VIT: variants seen among roughly 807,000 people sequenced by gnomAD.
The protein encoded by VIT is vitrin.
Under a neutral mutation model 78.0 loss-of-function variants are expected in VIT, and 99 were observed. That is an observed-to-expected ratio of 1.27 (90% CI 1.08 to 1.50). VIT has a LOEUF of 1.50. Ranked by LOEUF, VIT falls within the 40% of genes most tolerant of loss-of-function variation. The probability of loss-of-function intolerance (pLI) is 0.00; values close to 1 mark genes in which losing one functional copy is unlikely to be tolerated. For synonymous variants in VIT, 374 were observed against 334.3 expected, an observed-to-expected ratio of 1.12 and a Z score of -1.29; for missense variants, 1,126 against 875.3, an observed-to-expected ratio of 1.29 and a Z score of -3.61.
At position 36,756,974 on chromosome 2, in the gene VIT, G is replaced by A. The variant is rs538920467; in HGVS notation, c.409+1920G>A. Among the ~76,000 whole-genome samples the A allele has an allele frequency of 5.3e-5, 8 of 152,194 alleles. No homozygotes were observed. The East Asian group carries it at 1.5e-3, about 29-fold the overall frequency. The stretch of plus-strand genomic sequence containing the variant: ...GCTGATATTATTCCCTATAAATCTC[G>A]ACTTCCATCTCCCCTCATTCGACCT... On this transcript the variant is annotated intron_variant, in intron 5 of 15. Transcript: ENST00000379242.
chr2:36,753,737 G>A (rs534124589), intron 4 of VIT, among the ~76,000 whole-genome samples: 1 of 152,302 alleles, frequency 6.6e-6, no homozygotes, highest in South Asian at 2.1e-4. Context: ...AAACCAGCCT[G>A]CCTGCCATCG....
intron 3 of VIT, among the ~76,000 whole-genome samples, chr2:36,729,878 C>A (rs555002562): frequency 6.4e-4 from 97 of 152,308 alleles, no homozygotes; most frequent in African/African-American, 1.9e-3. Context: ...CACCTTCCAA[C>A]AGACCCTGGG....
At chr2:36,804,221 C>G (rs542679845) in intron 13 of VIT, among the ~76,000 whole-genome samples, 4 of 152,202 alleles carry the variant, frequency 2.6e-5, no homozygotes, top group Non-Finnish European at 5.9e-5. Context: ...TGTAGGGTGA[C>G]CTACTCAGGG....
intron 1 of VIT, among the ~76,000 whole-genome samples, chr2:36,716,080 G>A (rs557796111): frequency 6.6e-6 from 1 of 152,280 alleles, no homozygotes; most frequent in Non-Finnish European, 1.5e-5. Context: ...AAATTGTAGA[G>A]TTATTTCCTC....
At chr2:36,740,755 C>T (rs1307167076) in intron 3 of VIT, among the ~76,000 whole-genome samples, 3 of 152,066 alleles carry the variant, frequency 2.0e-5, no homozygotes, top group African/African-American at 7.2e-5. Context: ...AACAAGTGCC[C>T]CCTTAAAGAA....
chr2:36,811,443 C>T (rs977791780), intron 15 of VIT, among the ~76,000 whole-genome samples: 18 of 152,110 alleles, frequency 1.2e-4, no homozygotes, highest in Non-Finnish European at 8.8e-5. Flanking sequence ...GTGCTGTCAG[C>T]GCAGCCTTAA....
chr2:36,698,134 C>G (rs1208505591), intron 1 of VIT, among the ~76,000 whole-genome samples: 1 of 103,440 alleles, frequency 9.7e-6, no homozygotes, highest in East Asian at 2.9e-4. Flanking sequence ...CAAAGAATTA[C>G]AAGATTGCAA....
chr2:36,814,182 G>T lies in VIT; in HGVS notation c.1904-1G>T. ...TGTTCATCTAACCTTTGTCCCCACA[G>T]GAGTGATCACCTATGCGATAGGCGT... On this transcript the variant is annotated splice_acceptor_variant, in intron 15 of 15. Transcript: ENST00000379242. LOFTEE classifies it high-confidence loss of function. 6 of 1,614,160 alleles carry T rather than the reference G, an allele frequency of 3.7e-6. No individual in the cohort carries two copies. The highest frequency in any genetic ancestry group is 5.1e-6 in the Non-Finnish European group (6 of 1,180,006).
intron 8 of VIT, among the ~76,000 whole-genome samples, chr2:36,774,260 GA>G (rs1669926510): frequency 6.9e-6 from 1 of 144,088 alleles, no homozygotes; most frequent in Non-Finnish European, 1.6e-5. Context: ...ACGGGGGACA[GA>G]AACACATTCT....
At chr2:36,807,350 A>C (rs62132497) in intron 14 of VIT, among the ~76,000 whole-genome samples, 113,679 of 151,562 alleles carry the variant, frequency 0.75, 42,851 homozygotes, top group East Asian at 0.99. Flanking sequence ...CCCTGTGTTC[A>C]GTCCAGCTAG....
At chr2:36,713,757 AAG>A (rs1435117130) in intron 1 of VIT, among the ~76,000 whole-genome samples, 1 of 152,196 alleles carries the variant, frequency 6.6e-6, no homozygotes, top group Non-Finnish European at 1.5e-5. Context: ...GAGAAAGAGA[AAG>A]AGAAGTCAAG....
rs1299113751 is a variant in VIT, at chr2:36,805,601, C to T, written c.1326C>T (p.Ile442=). The change falls in exon 14 of 16, where the codon ATC becomes ATT. Residue 442 remains isoleucine, a synonymous_variant. Coordinates refer to ENST00000379242, the MANE Select transcript of VIT (RefSeq NM_053276.4). ...AGTCAGGAATCAACATTTTCTTCAT[C>T]ACCATTGAAGGTGCTGCTGAAAATG... The part of the protein sequence containing the change: ...ARESGINIFF[I]TIEGAAENEK... 1 of 1,614,150 alleles carries T rather than the reference C, an allele frequency of 6.2e-7. No individual in the cohort carries two copies. Among genetic ancestry groups the T allele is most frequent in the African/African-American group, 1.3e-5 (1 of 75,032 alleles).
intron 1 of VIT, among the ~76,000 whole-genome samples, chr2:36,699,806 C>A (rs914581446): frequency 8.5e-5 from 13 of 152,066 alleles, no homozygotes; most frequent in African/African-American, 3.1e-4. Context: ...AATTTAAAGC[C>A]TTACATGCGA....
intron 11 of VIT, 65 bp downstream of exon 11, chr2:36,783,467 C>A: frequency 6.9e-7 from 1 of 1,455,876 alleles, no homozygotes. Flanking sequence ...CTCCTCTCTT[C>A]CCACTCACTC....
chr2:36,753,821 G>T (rs1429333896), intron 4 of VIT, among the ~76,000 whole-genome samples: 1 of 152,188 alleles, frequency 6.6e-6, no homozygotes, highest in East Asian at 1.9e-4. Flanking sequence ...GCTTAGGGAG[G>T]TGCCTGTGCT....
chr2:36,797,438 G>T (rs1665985496), intron 12 of VIT, among the ~76,000 whole-genome samples: 1 of 152,184 alleles, frequency 6.6e-6, no homozygotes, highest in Non-Finnish European at 1.5e-5. Context: ...GATATTTAGA[G>T]GTAGGTCTGA....
intron 1 of VIT, among the ~76,000 whole-genome samples, chr2:36,698,724 A>C (rs1664827158): frequency 1.3e-5 from 2 of 152,128 alleles, no homozygotes; most frequent in Admixed American, 1.3e-4. Flanking sequence ...TGGGTGGATC[A>C]CCTGAGGTCA....
chr2:36,699,875 C>CTT (rs1479425529), intron 1 of VIT, among the ~76,000 whole-genome samples: 1 of 6,546 alleles, frequency 1.5e-4, no homozygotes, highest in African/African-American at 2.0e-4. Context: ...AGGCGGAAAG[C>CTT]TGTTACTTTT....
chr2:36,715,984 A>G (rs1666110194), intron 1 of VIT, among the ~76,000 whole-genome samples: 1 of 152,232 alleles, frequency 6.6e-6, no homozygotes, highest in Non-Finnish European at 1.5e-5. Flanking sequence ...ATAGTGAAGT[A>G]TTAATAATTG....
Sources: allele counts gnomAD v4.1 joint callset (sites outside exome capture counted in the v4.1 genomes callset), GRCh38; gene constraint gnomAD v4.1.1; transcripts MANE v1.5; gene names NCBI Gene and HGNC (gene_info 2026-07-23, HGNC 2026-07-21).